ZNF578: variants seen among roughly 807,000 people sequenced by gnomAD.
The protein encoded by ZNF578 is zinc finger protein 578.
In ZNF578, 8 loss-of-function variants were observed where a neutral mutation model predicts 8.3. The observed-to-expected ratio is 0.96, with a 90% CI of 0.56 to 1.74. The LOEUF is 1.74. ZNF578 is among the 40% of genes most tolerant of loss of function. The probability of loss-of-function intolerance (pLI) is 0.00; values close to 1 mark genes in which losing one functional copy is unlikely to be tolerated. For missense variants in ZNF578, 726 were observed against 707.5 expected (o/e 1.03, Z -0.30); for synonymous variants, 206 against 232.2 (o/e 0.89, Z 1.03).
intron 2 of ZNF578, among the ~76,000 whole-genome samples, chr19:52,459,359 T>C (rs1165845855): frequency 2.6e-5 from 4 of 152,298 alleles, no homozygotes; most frequent in Admixed American, 2.6e-4. Flanking sequence ...ATTTGTCCTT[T>C]TGTGACTGTC....
Position 52,505,410 on chromosome 19 carries a change from TTG to T in ZNF578, c.190+631_190+632del, listed in dbSNP as rs566827465. On this transcript the variant is annotated intron_variant, in intron 5 of 5. Transcript: ENST00000421239. ...ACCAATATATGTCATTGTTCATTTT[TTG>T]TTTGTTTGTTTGTTTTTTGTTTTTG... Among the ~76,000 whole-genome samples, 400 of 76,882 alleles carry T rather than the reference TTG, an allele frequency of 5.2e-3. 1 individual carries two copies. The highest frequency in any genetic ancestry group is 0.022 in the African/African-American group (379 of 16,926). 50.4% of individuals were successfully genotyped at this position (76,882 alleles called of 152,430 possible).
At chr19:52,496,854 C>CT (rs1311364496) in intron 3 of ZNF578, among the ~76,000 whole-genome samples, 1 of 151,664 alleles carries the variant, frequency 6.6e-6, no homozygotes, top group Non-Finnish European at 1.5e-5. Flanking sequence ...TCAGGCTGGT[C>CT]TTGAACACCT....
In ZNF578 at chr19:52,514,257, C is replaced by A. The variant is rs140731568; in HGVS notation, c.*2103C>A. Among the ~76,000 whole-genome samples the A allele has an allele frequency of 2.6e-5, 4 of 152,136 alleles. No individual in the cohort carries two copies. The highest frequency in any genetic ancestry group is 9.7e-5 in the African/African-American group (4 of 41,416). ...TCAGCTCACATCATTCGTTTCTGTA[C>A]TTGTATATTTTCCAGTTGTTTTCCG... On this transcript the variant is annotated 3_prime_UTR_variant, in exon 6 of 6. Transcript: ENST00000421239.
At position 52,487,959 on chromosome 19, in the gene ZNF578, C is replaced by T. The variant is rs867478169; in HGVS notation, c.-121-3365C>T. 9.6e-5 allele frequency among the ~76,000 whole-genome samples: 14 copies of T among 146,210 alleles called. No homozygotes were observed. In the East Asian group the frequency reaches 2.0e-3, roughly 21 times the overall value. On this transcript the variant is annotated intron_variant, in intron 2 of 5. Coordinates refer to ENST00000421239, the MANE Select transcript of ZNF578 (RefSeq NM_001099694.2). ...GCATCTGGCCTACATAGCCCCCCCC[C>T]CTTTTTTTTTTTGAGAGGGAGTTTT...
intron 3 of ZNF578, among the ~76,000 whole-genome samples, chr19:52,492,184 A>G (rs2059367734): frequency 8.6e-6 from 1 of 116,756 alleles, no homozygotes; most frequent in Admixed American, 8.9e-5. Context: ...AAAAAAAAAA[A>G]AAAAAAGGGA....
Position 52,516,486 on chromosome 19 carries a change from T to A in ZNF578, c.*4332T>A. ...TATTTGCTCAGGGTGAGGTCTCCTT[T>A]GTGTCAGGCCTCTGAGCCCAAGCTA... On this transcript the variant is annotated 3_prime_UTR_variant, in exon 6 of 6. Coordinates refer to ENST00000421239, the MANE Select transcript of ZNF578 (RefSeq NM_001099694.2). Among the ~76,000 whole-genome samples, 2 of 152,190 alleles carry A rather than the reference T, an allele frequency of 1.3e-5. 1 individual carries two copies. Among genetic ancestry groups the A allele is most frequent in the Non-Finnish European group, 2.9e-5 (2 of 68,032 alleles).
intron 3 of ZNF578, among the ~76,000 whole-genome samples, chr19:52,500,242 A>G (rs1031839436): frequency 2.7e-4 from 41 of 152,248 alleles, no homozygotes; most frequent in African/African-American, 8.7e-4. Context: ...TTAATTTTAT[A>G]CATTTTATGG....
At chr19:52,487,958 C>CG (rs1056242283) in intron 2 of ZNF578, among the ~76,000 whole-genome samples, 26 of 150,148 alleles carry the variant, frequency 1.7e-4, no homozygotes, top group Non-Finnish European at 7.4e-5. Context: ...TAGCCCCCCC[C>CG]CCTTTTTTTT....
At chr19:52,507,721 G>A (rs1393138607) in intron 5 of ZNF578, among the ~76,000 whole-genome samples, 3 of 152,166 alleles carry the variant, frequency 2.0e-5, no homozygotes, top group Admixed American at 1.3e-4. Context: ...GGAAAGAGGA[G>A]CAGGCAATGA....
At chr19:52,455,761 T>G (rs1307647006) in intron 1 of ZNF578, 1 of 152,214 alleles carries the variant, frequency 6.6e-6, no homozygotes, top group East Asian at 1.9e-4. Context: ...TGGCATATAT[T>G]TAAAATCTAG....
intron 2 of ZNF578, among the ~76,000 whole-genome samples, chr19:52,470,538 G>T (rs1187589599): frequency 2.0e-5 from 3 of 152,162 alleles, no homozygotes; most frequent in Non-Finnish European, 2.9e-5. Flanking sequence ...GTCAGTGAGT[G>T]TATTGCTAAA....
intron 2 of ZNF578, among the ~76,000 whole-genome samples, chr19:52,461,552 A>G (rs1252243216): frequency 6.6e-6 from 1 of 152,220 alleles, no homozygotes; most frequent in Non-Finnish European, 1.5e-5. Context: ...GGAAACTGGT[A>G]TCCAAACTCC....
At chr19:52,500,477 G>A (rs1425114442) in intron 3 of ZNF578, among the ~76,000 whole-genome samples, 3 of 150,988 alleles carry the variant, frequency 2.0e-5, no homozygotes, top group Non-Finnish European at 4.4e-5. Flanking sequence ...CACGATCTTG[G>A]CTCACTGCAA....
intron 2 of ZNF578, 91 bp from the exon 3 acceptor site, chr19:52,491,231 AAT>A (rs1156519986): frequency 7.7e-6 from 1 of 130,654 alleles, no homozygotes; most frequent in Non-Finnish European, 1.6e-5. Context: ...GAAAGTTTAA[AAT>A]AAGTATTTTT....
At chr19:52,503,285 A>C (rs1346680969) in intron 4 of ZNF578, among the ~76,000 whole-genome samples, 1 of 152,064 alleles carries the variant, frequency 6.6e-6, no homozygotes, top group Non-Finnish European at 1.5e-5. Flanking sequence ...GCCTCCAGTG[A>C]TCCTCCCCTC....
chr19:52,455,067 A>G (rs1317826579), intron 1 of ZNF578: 1 of 151,880 alleles, frequency 6.6e-6, no homozygotes, highest in Non-Finnish European at 1.5e-5. Context: ...TCTTGATGTC[A>G]TCTTCATCTC....
intron 2 of ZNF578, among the ~76,000 whole-genome samples, chr19:52,483,872 A>C (rs1450804893): frequency 6.6e-6 from 1 of 152,070 alleles, no homozygotes; most frequent in Admixed American, 6.6e-5. Context: ...GCCCCTCCAC[A>C]CTTGTGGGCG....
intron 2 of ZNF578, among the ~76,000 whole-genome samples, chr19:52,471,648 C>T (rs2059292222): frequency 6.6e-6 from 1 of 152,142 alleles, no homozygotes; most frequent in African/African-American, 2.4e-5. Context: ...TCTGAAGCTG[C>T]ATTTGAACCA....
At chr19:52,509,117 T>C (rs2059435623) in intron 5 of ZNF578, among the ~76,000 whole-genome samples, 2 of 152,076 alleles carry the variant, frequency 1.3e-5, no homozygotes, top group South Asian at 2.1e-4. Context: ...TTGGCCAGCC[T>C]GTTCTCGAAC....
Sources: gnomAD v4.1 joint callset for allele counts (sites outside exome capture counted in the v4.1 genomes callset) on GRCh38, gnomAD v4.1.1 for gene constraint, MANE v1.5 for transcripts, NCBI Gene and HGNC (gene_info 2026-07-23, HGNC 2026-07-21) for gene names.